NOTCH4: variants seen among roughly 807,000 people sequenced by gnomAD.
NOTCH4 encodes the protein neurogenic locus notch homolog protein 4.
Under a neutral mutation model 189.0 loss-of-function variants are expected in NOTCH4, and 138 were observed. That is an observed-to-expected ratio of 0.73 (90% CI 0.64 to 0.84). The LOEUF is 0.84. NOTCH4 is among the 40% of genes least tolerant of loss of function. The pLI, the probability that NOTCH4 is intolerant of heterozygous loss-of-function variation, is 0.00. For synonymous variants in NOTCH4, 942 were observed against 1,032.8 expected (o/e 0.91, Z 1.69); for missense variants, 2,286 against 2,605.4 (o/e 0.88, Z 2.67).
chr6:32,223,751 T>G lies in NOTCH4; in HGVS notation c.73+105A>C. 2.6e-6 allele frequency: 3 copies of G among 1,160,562 alleles called. No homozygotes were observed. In the East Asian group the frequency reaches 7.4e-5, roughly 29 times the overall value. 71.9% of individuals were successfully genotyped at this position (1,160,562 alleles called of 1,614,324 possible). A position where few individuals can be genotyped will look rare whatever the true frequency, so the allele number is the denominator to read the frequency against. The stretch of plus-strand genomic sequence containing the variant: ...ATTTGGGCAGTGAGAATCTCCTCCA[T>G]CCAGCATCCCTCACACGGCCTGGGG... On this transcript the variant is annotated intron_variant, in intron 1 of 29. Coordinates refer to ENST00000375023, the MANE Select transcript of NOTCH4 (RefSeq NM_004557.4).
At chr6:32,223,190 T>C in intron 1 of NOTCH4, 104 bp from the exon 2 acceptor site, 1 of 833,014 alleles carries the variant, frequency 1.2e-6, no homozygotes. Context: ...CTCCCACAGG[T>C]ACTCTAAACC....
In NOTCH4 at chr6:32,210,942, G is replaced by A; in HGVS notation, c.2681-6C>T. On this transcript the variant is annotated splice_region_variant and splice_polypyrimidine_tract_variant and intron_variant, in intron 17 of 29. Coordinates refer to ENST00000375023, the MANE Select transcript of NOTCH4 (RefSeq NM_004557.4). This position sits in a 1 kb window ranked among gnomAD's most constrained non-coding sequence, Gnocchi z 4.8. The stretch of plus-strand genomic sequence containing the variant: ...AAGGGAAGAGACGTCTATGCCTGGG[G>A]AGAGAGACAAACAGGGATATACAAA... 6.3e-7 allele frequency: 1 copy of A among 1,575,772 alleles called. No individual in the cohort carries two copies. The highest frequency in any genetic ancestry group is 8.6e-7 in the Non-Finnish European group (1 of 1,162,176).
Position 32,221,136 on chromosome 6 carries a change from G to A in NOTCH4, c.641C>T (p.Thr214Ile). The A allele has an allele frequency of 1.2e-6, 2 of 1,613,148 alleles. No individual in the cohort carries two copies. Among genetic ancestry groups the A allele is most frequent in the Non-Finnish European group, 1.7e-6 (2 of 1,180,042 alleles). ...PCPKGTSCHNTLGSFQCLCPV... is the reference protein window; with the variant it reads ...PCPKGTSCHNILGSFQCLCPV... ...GCAGAGGCACTGGAAGGAGCCCAGG[G>A]TGTTATGGCAGGAGGTGCCTTTGGG... Residue 214 changes from threonine to isoleucine, a missense_variant, in exon 4 of 30, where the codon ACC becomes ATC. Thr to Ile is a moderately conservative substitution (Grantham distance 89, BLOSUM62 -1). Coordinates refer to ENST00000375023, the MANE Select transcript of NOTCH4 (RefSeq NM_004557.4). The surrounding 1 kb of genome is among the most constrained non-coding windows in gnomAD (Gnocchi z 4.3).
intron 12 of NOTCH4, among the ~76,000 whole-genome samples, chr6:32,214,774 C>T (rs1332161530): frequency 2.0e-5 from 3 of 151,816 alleles, no homozygotes; most frequent in East Asian, 3.9e-4. Context: ...ATTACAGGTG[C>T]GCCACCATGC....
Position 32,210,857 on chromosome 6 carries a change from AG to A in NOTCH4, c.2759del (p.Pro920LeufsTer12), listed in dbSNP as rs761063325. On this transcript the variant is annotated frameshift_variant, in exon 18 of 30. Transcript: ENST00000375023. LOFTEE classifies it high-confidence loss of function. This position sits in a 1 kb window ranked among gnomAD's most constrained non-coding sequence, Gnocchi z 4.8. The part of the protein sequence containing the change: ...SGPSYFCHCP[P>X]GFQGSLCQDH... ...CCTGGCACAGGCTGCCTTGGAATCC[AG>A]GGGGGCAGTGGCAGAAATAGGAGGG... 9.3e-6 allele frequency: 15 copies of A among 1,612,888 alleles called. No homozygotes were observed. The highest frequency in any genetic ancestry group is 1.7e-5 in the Admixed American group (1 of 60,002).
At chr6:32,213,304 G>T in intron 14 of NOTCH4, 52 bp from the exon 15 acceptor site, 1 of 1,264,782 alleles carries the variant, frequency 7.9e-7, no homozygotes, top group East Asian at 2.3e-5. Flanking sequence ...AACCTGGCCT[G>T]TGACCTCAGT....
intron 18 of NOTCH4, among the ~76,000 whole-genome samples, chr6:32,206,334 A>G (rs1788677272): frequency 6.6e-6 from 1 of 152,282 alleles, no homozygotes; most frequent in East Asian, 2.0e-4. Flanking sequence ...AACACTGGTT[A>G]TAAACAAATT....
In NOTCH4 at chr6:32,215,221, G is replaced by T; in HGVS notation, c.2021+5C>A. ...GGCAGATGGGGAGGGTCTGGAAGAT[G>T]TTACCTCTGGCAGTGCCCGTGGTGG... On this transcript the variant is annotated splice_donor_5th_base_variant and intron_variant, in intron 12 of 29. Coordinates refer to ENST00000375023, the MANE Select transcript of NOTCH4 (RefSeq NM_004557.4). 1 of 1,591,586 alleles carries T rather than the reference G, an allele frequency of 6.3e-7. No individual in the cohort carries two copies.
chr6:32,213,031 G>A (rs1045660938), intron 15 of NOTCH4, 104 bp downstream of exon 15: 10 of 1,240,856 alleles, frequency 8.1e-6, no homozygotes, highest in South Asian at 2.6e-5. Context: ...AAGGCGGAAC[G>A]AGGTGTGGGG....
chr6:32,205,047 A>G (rs991866585), intron 18 of NOTCH4, among the ~76,000 whole-genome samples: 2 of 152,194 alleles, frequency 1.3e-5, no homozygotes, highest in African/African-American at 2.4e-5. Flanking sequence ...CTGCTTCTTC[A>G]TGCCACTCAG....
chr6:32,196,273 C>T (rs1341773757), intron 29 of NOTCH4, 51 bp downstream of exon 29: 7 of 1,613,030 alleles, frequency 4.3e-6, no homozygotes, highest in African/African-American at 1.3e-5. Context: ...CCGCACTTTC[C>T]ATCTCTCGTG....
Position 32,195,792 on chromosome 6 carries a change from A to G in NOTCH4, c.5657T>C (p.Leu1886Ser). The change falls in exon 30 of 30, where the codon TTG becomes TCG. Residue 1886 changes from leucine (L) to serine (S), a missense_variant. Physicochemically the swap from Leu to Ser is moderately radical, Grantham distance 145. Around this residue, in one of 2 missense-constraint regions of NOTCH4, gnomAD observed 383 missense variants for 343.5 expected, o/e 1.11. Transcript: ENST00000375023. The surrounding 1 kb of genome is among the most constrained non-coding windows in gnomAD (Gnocchi z 5.4). ...CLQARTWSVD[L>S]AARGGGAYSH... Reference sequence around the variant, plus strand: ...ATAGGCCCCGCCCCCCCGCGCAGCCAAGTCTACGGACCAAGTCCGAGCCTG... The same window carrying G: ...ATAGGCCCCGCCCCCCCGCGCAGCCGAGTCTACGGACCAAGTCCGAGCCTG... 6.2e-7 allele frequency: 1 copy of G among 1,605,294 alleles called. No homozygotes were observed. The highest frequency in any genetic ancestry group is 8.5e-7 in the Non-Finnish European group (1 of 1,179,364).
chr6:32,213,234 C>T lies in NOTCH4; in HGVS notation c.2339G>A (p.Gly780Asp), dbSNP rs753843685. 5.6e-6 allele frequency: 9 copies of T among 1,613,462 alleles called. No homozygotes were observed. In the South Asian group the frequency reaches 6.6e-5, roughly 12 times the overall value. The change falls in exon 15 of 30, where the codon GGT becomes GAT. Residue 780 changes from glycine (G) to aspartate (D), a missense_variant. Transcript: ENST00000375023. ...YCVSAPCFNG[G>D]TCVNRPGTFS... is the part of the protein sequence containing the mutation. ...GGTGCCAGGCCTGTTCACACAGGTA[C>T]CCCCATTGAAGCACGGGGCTGGAGA...
Position 32,214,484 on chromosome 6 carries a change from T to TATATATATATATATATATAC in NOTCH4, c.2022-230_2022-229insGTATATATATATATATATAT, listed in dbSNP as rs28383875. On this transcript the variant is annotated intron_variant, in intron 12 of 29. Transcript: ENST00000375023. Reference sequence around the variant, plus strand: ...AGTTGGAGATATATATATATATATATACACACATATATATTCTTTCTGTAA... The same window carrying TATATATATATATATATATAC: ...AGTTGGAGATATATATATATATATATATATATATATATATATATACACACACATATATATTCTTTCTGTAA... 1.1e-3 allele frequency among the ~76,000 whole-genome samples: 153 copies of TATATATATATATATATATAC among 141,224 alleles called. 1 individual carries two copies. Among genetic ancestry groups the TATATATATATATATATATAC allele is most frequent in the Middle Eastern group, 3.6e-3 (1 of 280 alleles). The allele number at this position is 141,224 out of a possible 152,430, so 92.6% of individuals were successfully genotyped here. A position where few individuals can be genotyped will look rare whatever the true frequency, so the allele number is the denominator to read the frequency against.
At position 32,197,332 on chromosome 6, in the gene NOTCH4, A is replaced by G; in HGVS notation, c.5019T>C (p.Ala1673=). Residue 1673 remains alanine, a synonymous_variant, in exon 27 of 30, where the codon GCT becomes GCC. Transcript: ENST00000375023. ...CCTCCCGAGCATCAGCAGCCACAGC[A>G]GCATGAAGGGGTGTGCGCCCTGCCC... ...PDRAGRTPLH[A]AVAADAREVC... The G allele has an allele frequency of 6.5e-7, 1 of 1,532,928 alleles. No individual in the cohort carries two copies. Among genetic ancestry groups the G allele is most frequent in the Non-Finnish European group, 8.8e-7 (1 of 1,141,630 alleles). The allele number at this position is 1,532,928 out of a possible 1,614,324, so 95.0% of individuals were successfully genotyped here. A position where few individuals can be genotyped will look rare whatever the true frequency, so the allele number is the denominator to read the frequency against.
At chr6:32,204,892 G>C (rs556947459) in intron 18 of NOTCH4, among the ~76,000 whole-genome samples, 3 of 152,190 alleles carry the variant, frequency 2.0e-5, no homozygotes, top group Non-Finnish European at 4.4e-5. Context: ...ATTTTATTTG[G>C]GTTATCTCAT....
chr6:32,211,892 G>C (rs1561933775), intron 17 of NOTCH4, among the ~76,000 whole-genome samples: 1 of 152,268 alleles, frequency 6.6e-6, no homozygotes, highest in Middle Eastern at 3.4e-3. Context: ...TTAAAGCAAG[G>C]CTTGAGCAAG....
rs114888927 is a variant in NOTCH4 at position 32,197,093 on chromosome 6, T to A, written c.5053-21A>T. 1.8e-3 allele frequency: 2,828 copies of A among 1,610,800 alleles called. 43 individuals are homozygous for A. In the African/African-American group the frequency reaches 0.035, roughly 20 times the overall value. On this transcript the variant is annotated intron_variant, in intron 27 of 29. Coordinates refer to ENST00000375023, the MANE Select transcript of NOTCH4 (RefSeq NM_004557.4). ...AGAAGCTGGGGAGACAGAGGGCCAG[T>A]GACCCCTGGGGTACCTTGGACTGCC...
chr6:32,200,371 C>G lies in NOTCH4; in HGVS notation c.4315+460G>C, dbSNP rs1215994853. Among the ~76,000 whole-genome samples, 1 of 152,024 alleles carries G rather than the reference C, an allele frequency of 6.6e-6. No homozygotes were observed. Among genetic ancestry groups the G allele is most frequent in the Non-Finnish European group, 1.5e-5 (1 of 68,004 alleles). ...GACTACAAGCACCCGCCACCACAGC[C>G]GGCTAATTTTTTTATTTTTAGTAGA... On this transcript the variant is annotated intron_variant, in intron 23 of 29. Transcript: ENST00000375023. The surrounding 1 kb of genome is among the most constrained non-coding windows in gnomAD (Gnocchi z 5.0).
Sources: gnomAD v4.1 joint callset for allele counts (sites outside exome capture counted in the v4.1 genomes callset) on GRCh38, gnomAD v4.1.1 for gene constraint, gnomAD v4.1.1 regional missense constraint, Gnocchi (gnomAD v3.1) non-coding constraint, MANE v1.5 for transcripts, NCBI Gene and HGNC (gene_info 2026-07-23, HGNC 2026-07-21) for gene names.